RRP7A: variants seen among roughly 807,000 people sequenced by gnomAD.
RRP7A encodes ribosomal RNA-processing protein 7 homolog A.
A neutral mutation model predicts 38.4 loss-of-function variants in RRP7A; 27 were observed. The ratio of observed to expected loss-of-function variants is 0.70; its 90% CI spans 0.52 to 0.97. The LOEUF (loss-of-function observed/expected upper bound fraction) is 0.97, where lower values mean the gene tolerates loss of function less well. RRP7A is among the 50% of genes least tolerant of loss of function. The pLI, the probability that RRP7A is intolerant of heterozygous loss-of-function variation, is 0.00. For missense variants in RRP7A, 327 were observed against 375.4 expected, an observed-to-expected ratio of 0.87 and a Z score of 1.07; for synonymous variants, 124 against 150.3, an observed-to-expected ratio of 0.83 and a Z score of 1.28.
At position 42,509,707 on chromosome 22, in the gene RRP7A, C is replaced by T. The variant is rs1189346862; in HGVS notation, c.*3203G>A. On this transcript the variant is annotated 3_prime_UTR_variant, in exon 7 of 7. Transcript: ENST00000323013. ...CAGCATGGATGAGCCTTGAAAACAT[C>T]GCACTAAGTGGATGAAGTCAGACAC... 6.6e-6 allele frequency among the ~76,000 whole-genome samples: 1 copy of T among 151,904 alleles called. No homozygotes were observed. The highest frequency in any genetic ancestry group is 2.4e-5 in the African/African-American group (1 of 41,360).
intron 2 of RRP7A, chr22:42,516,358 T>A: frequency 1.7e-6 from 1 of 601,342 alleles, no homozygotes; most frequent in Middle Eastern, 3.5e-4. Flanking sequence ...TGAGTTGGAG[T>A]ATTGCTCTGT....
chr22:42,508,575 G>A lies in RRP7A; in HGVS notation c.*4335C>T. Among the ~76,000 whole-genome samples the A allele has an allele frequency of 6.6e-6, 1 of 152,148 alleles. No individual in the cohort carries two copies. Among genetic ancestry groups the A allele is most frequent in the Non-Finnish European group, 1.5e-5 (1 of 68,026 alleles). On this transcript the variant is annotated 3_prime_UTR_variant, in exon 7 of 7. Coordinates refer to ENST00000323013, the MANE Select transcript of RRP7A (RefSeq NM_015703.5). ...GGGGCCATCACGGAGTGCCCATCCTGCACTGTGGTCCCAGCAAGTTTCTTT... is the reference window on the plus strand; with the variant it reads ...GGGGCCATCACGGAGTGCCCATCCTACACTGTGGTCCCAGCAAGTTTCTTT...
chr22:42,512,372 T>C lies in RRP7A; in HGVS notation c.*538A>G, dbSNP rs556248086. ...CTTGAGGCCCAGCCTAGGATGGTAG[T>C]CAGGGGAAGGAGCGAGATTCCAACT... On this transcript the variant is annotated 3_prime_UTR_variant, in exon 7 of 7. Coordinates refer to ENST00000323013, the MANE Select transcript of RRP7A (RefSeq NM_015703.5). The C allele has an allele frequency of 4.4e-4, 327 of 744,792 alleles. No individual in the cohort carries two copies. The African/African-American group carries it at 5.1e-3, about 12-fold the overall frequency. 46.1% of individuals were successfully genotyped at this position (744,792 alleles called of 1,614,324 possible). A position where few individuals can be genotyped will look rare whatever the true frequency, so the allele number is the denominator to read the frequency against.
intron 2 of RRP7A, 28 bp downstream of exon 2, chr22:42,517,977 G>A: frequency 6.2e-7 from 1 of 1,607,098 alleles, no homozygotes; most frequent in Non-Finnish European, 8.5e-7. Flanking sequence ...GAGCCCACAG[G>A]TCTCCTCCCA....
intron 3 of RRP7A, among the ~76,000 whole-genome samples, chr22:42,515,657 C>G (rs966520711): frequency 1.3e-5 from 2 of 152,152 alleles, no homozygotes; most frequent in Non-Finnish European, 2.9e-5. Context: ...TCCAGGGCCA[C>G]TGGGAAAGCT....
rs71184902 is a variant in RRP7A, at chr22:42,517,342, TAAAAAAAAAAAAA to T, written c.216+650_216+662del. Among the ~76,000 whole-genome samples the T allele has an allele frequency of 1.0e-4, 12 of 117,510 alleles. No homozygotes were observed. The South Asian group carries it at 3.2e-3, about 31-fold the overall frequency. 77.1% of individuals were successfully genotyped at this position (117,510 alleles called of 152,430 possible). A position where few individuals can be genotyped will look rare whatever the true frequency, so the allele number is the denominator to read the frequency against. The stretch of plus-strand genomic sequence containing the variant: ...AGCAATTCCCTTAGCTTAGTTTTTG[TAAAAAAAAAAAAA>T]AAAAAAAAAAATTAACAGTTGTGTT... On this transcript the variant is annotated intron_variant, in intron 2 of 6. Transcript: ENST00000323013.
At position 42,509,337 on chromosome 22, in the gene RRP7A, C is replaced by T. The variant is rs889954032; in HGVS notation, c.*3573G>A. ...GGGGATGGGCCGGGGCTGTCCCATG[C>T]CTTTCCACAGGTGTCAGCGGGGGGC... On this transcript the variant is annotated 3_prime_UTR_variant, in exon 7 of 7. Transcript: ENST00000323013. 1.3e-5 allele frequency among the ~76,000 whole-genome samples: 2 copies of T among 149,402 alleles called. No homozygotes were observed. The highest frequency in any genetic ancestry group is 4.9e-5 in the African/African-American group (2 of 41,180).
intron 3 of RRP7A, among the ~76,000 whole-genome samples, 183 bp from the exon 4 acceptor site, chr22:42,515,451 A>C (rs554639934): frequency 6.6e-6 from 1 of 152,350 alleles, no homozygotes; most frequent in African/African-American, 2.4e-5. Flanking sequence ...ACTTCCAGTA[A>C]TCCTGCTTCT....
intron 2 of RRP7A, among the ~76,000 whole-genome samples, chr22:42,517,583 G>T (rs377467269): frequency 4.6e-5 from 7 of 151,894 alleles, no homozygotes; most frequent in Non-Finnish European, 1.0e-4. Context: ...GCAGTGGCGC[G>T]ATCTTGGCTC....
Position 42,519,603 on chromosome 22 carries a change from G to T in RRP7A, c.73+111C>A, listed in dbSNP as rs922779291. On this transcript the variant is annotated intron_variant, in intron 1 of 6. Transcript: ENST00000323013. ...GAGCCTGGGGCCACGGGCCACCGGGGCTCACACCCAACCGTGCGGCCGCTC... is the reference window on the plus strand; with the variant it reads ...GAGCCTGGGGCCACGGGCCACCGGGTCTCACACCCAACCGTGCGGCCGCTC... 18 of 941,330 alleles carry T rather than the reference G, an allele frequency of 1.9e-5. No individual in the cohort carries two copies. In the African/African-American group the frequency reaches 2.9e-4, roughly 15 times the overall value. The allele number at this position is 941,330 out of a possible 1,614,324, so 58.3% of individuals were successfully genotyped here. A position where few individuals can be genotyped will look rare whatever the true frequency, so the allele number is the denominator to read the frequency against.
Position 42,508,735 on chromosome 22 carries a change from A to C in RRP7A, c.*4175T>G, listed in dbSNP as rs879066860. 1.6e-4 allele frequency among the ~76,000 whole-genome samples: 24 copies of C among 152,368 alleles called. No homozygotes were observed. Among genetic ancestry groups the C allele is most frequent in the Non-Finnish European group, 2.2e-4 (15 of 68,036 alleles). ...AAAAGTGGCCCAACTCACTTCTCTGACTTTAATCACACAGCCATACCTGGT... is the reference window on the plus strand; with the variant it reads ...AAAAGTGGCCCAACTCACTTCTCTGCCTTTAATCACACAGCCATACCTGGT... On this transcript the variant is annotated 3_prime_UTR_variant, in exon 7 of 7. Coordinates refer to ENST00000323013, the MANE Select transcript of RRP7A (RefSeq NM_015703.5).
Position 42,516,063 on chromosome 22 carries a change from G to A in RRP7A, c.290C>T (p.Ala97Val). Residue 97 changes from alanine to valine, a missense_variant, in exon 3 of 7, where the codon GCT (alanine) becomes GTT (valine). This residue lies in a region of RRP7A where 183 missense variants were observed against 141.8 expected (regional missense o/e 1.29). Coordinates refer to ENST00000323013, the MANE Select transcript of RRP7A (RefSeq NM_015703.5). Reference protein sequence around the residue: ...SVELQEKPDLAESPKESRSKF... With the variant: ...SVELQEKPDLVESPKESRSKF... ...CGACCTTGACTCCTTTGGGCTCTCAGCCAGGTCCGGCTTCTCCTGCAACTC... is the reference window on the plus strand; with the variant it reads ...CGACCTTGACTCCTTTGGGCTCTCAACCAGGTCCGGCTTCTCCTGCAACTC... 3 of 1,612,790 alleles carry A rather than the reference G, an allele frequency of 1.9e-6. No homozygotes were observed. Among genetic ancestry groups the A allele is most frequent in the Non-Finnish European group, 2.5e-6 (3 of 1,179,288 alleles).
chr22:42,515,608 A>G (rs1920927545), intron 3 of RRP7A, among the ~76,000 whole-genome samples: 1 of 152,186 alleles, frequency 6.6e-6, no homozygotes, highest in African/African-American at 2.4e-5. Context: ...GGGCGCACAC[A>G]CCATGCCAGA....
rs369095479 is a variant in RRP7A at position 42,511,089 on chromosome 22, A to G, written c.*1821T>C. On this transcript the variant is annotated 3_prime_UTR_variant, in exon 7 of 7. Transcript: ENST00000323013. The stretch of plus-strand genomic sequence containing the variant: ...CTCAGTCATAGCTCACTGCAGCCTC[A>G]AACTCCTGGGCTCAAATGATCCTCC... 2 of 153,694 alleles carry G rather than the reference A, an allele frequency of 1.3e-5. No individual in the cohort carries two copies. The highest frequency in any genetic ancestry group is 4.8e-5 in the African/African-American group (2 of 41,566). The allele number at this position is 153,694 out of a possible 1,614,324, so 9.5% of individuals were successfully genotyped here. A position where few individuals can be genotyped will look rare whatever the true frequency, so the allele number is the denominator to read the frequency against.
chr22:42,513,369 T>G (rs1920922767), intron 6 of RRP7A, among the ~76,000 whole-genome samples: 1 of 103,382 alleles, frequency 9.7e-6, no homozygotes, highest in African/African-American at 3.5e-5. Context: ...CTTGTGCTGG[T>G]GAATGCAGAT....
chr22:42,513,508 C>T (rs1476178326), intron 6 of RRP7A, among the ~76,000 whole-genome samples: 4 of 111,906 alleles, frequency 3.6e-5, no homozygotes, highest in African/African-American at 1.3e-4. Flanking sequence ...CGGCTCAGGG[C>T]CTGCCGCAGA....
rs1234089684 is a variant in RRP7A, at chr22:42,508,421, C to T, written c.*4489G>A. On this transcript the variant is annotated 3_prime_UTR_variant, in exon 7 of 7. Coordinates refer to ENST00000323013, the MANE Select transcript of RRP7A (RefSeq NM_015703.5). ...CATAAAGCTTGATTGCATTATTTTG[C>T]ATGCTGTTTTCCAAATCCAGCTTCG... is the stretch of plus-strand genomic sequence containing the variant. Among the ~76,000 whole-genome samples, 1 of 141,364 alleles carries T rather than the reference C, an allele frequency of 7.1e-6. No homozygotes were observed. Among genetic ancestry groups the T allele is most frequent in the Non-Finnish European group, 1.5e-5 (1 of 65,446 alleles). 92.7% of individuals were successfully genotyped at this position (141,364 alleles called of 152,430 possible). A position where few individuals can be genotyped will look rare whatever the true frequency, so the allele number is the denominator to read the frequency against.
intron 1 of RRP7A, 70 bp downstream of exon 1, chr22:42,519,644 C>T (rs1306870680): frequency 9.2e-5 from 118 of 1,286,334 alleles, no homozygotes; most frequent in East Asian, 1.6e-4. Context: ...GACCCCCGGC[C>T]GTCGCCAACC....
chr22:42,509,080 G>A lies in RRP7A; in HGVS notation c.*3830C>T. 6.2e-7 allele frequency: 1 copy of A among 1,613,938 alleles called. No homozygotes were observed. The highest frequency in any genetic ancestry group is 8.5e-7 in the Non-Finnish European group (1 of 1,179,788). On this transcript the variant is annotated 3_prime_UTR_variant, in exon 7 of 7. Transcript: ENST00000323013. ...AGGGAGCTGTGTGCGCATTCCATCAGGAAGCTGCAGGCCCATGTCCTGTTG... is the reference window on the plus strand; with the variant it reads ...AGGGAGCTGTGTGCGCATTCCATCAAGAAGCTGCAGGCCCATGTCCTGTTG...
Sources: gnomAD v4.1 joint callset for allele counts (sites outside exome capture counted in the v4.1 genomes callset) on GRCh38, gnomAD v4.1.1 for gene constraint, gnomAD v4.1.1 regional missense constraint, MANE v1.5 for transcripts, NCBI Gene and HGNC (gene_info 2026-07-23, HGNC 2026-07-21) for gene names.